The following RAB11FIP4 variants were observed in gnomAD, a reference collection of about 807,000 sequenced individuals.
RAB11FIP4 encodes rab11 family-interacting protein 4.
RAB11FIP4 carries 23 observed loss-of-function variants against 74.3 expected under a neutral mutation model. The observed-to-expected ratio is 0.31, with a 90% confidence interval of 0.22 to 0.44. The LOEUF (loss-of-function observed/expected upper bound fraction) is 0.44, where lower values mean the gene tolerates loss of function less well. Among genes scored for constraint, RAB11FIP4 ranks in the 20% least tolerant of loss-of-function variants. The pLI is 1.00. For synonymous variants in RAB11FIP4, 360 were observed against 359.9 expected, an observed-to-expected ratio of 1.00 and a Z score of 0.00; for missense variants, 630 against 863.9, an observed-to-expected ratio of 0.73 and a Z score of 3.39.
intron 3 of RAB11FIP4, among the ~76,000 whole-genome samples, chr17:31,467,609 C>T (rs2071698152): frequency 6.6e-6 from 1 of 152,094 alleles, no homozygotes; most frequent in Non-Finnish European, 1.5e-5. Flanking sequence ...TTTGTGAGCA[C>T]ATTCTGAAAC....
At chr17:31,400,042 C>CAA (rs563945627) in intron 1 of RAB11FIP4, among the ~76,000 whole-genome samples, 1,806 of 110,788 alleles carry the variant, frequency 0.016, 41 homozygotes, top group African/African-American at 0.054. Flanking sequence ...GATTCCATCT[C>CAA]AAAAAAAAAA....
chr17:31,391,775 G>T lies in RAB11FIP4; in HGVS notation c.-78G>T. The T allele has an allele frequency of 1.0e-6, 1 of 958,920 alleles. No individual in the cohort carries two copies. Among genetic ancestry groups the T allele is most frequent in the Non-Finnish European group, 1.2e-6 (1 of 808,218 alleles). 59.4% of individuals were successfully genotyped at this position (958,920 alleles called of 1,614,324 possible). A position where few individuals can be genotyped will look rare whatever the true frequency, so the allele number is the denominator to read the frequency against. ...AGACCCAGACGGGCGGCCCCGGAGG[G>T]CGCGCGGCGATGGCGGCGGCGGGCA... is the stretch of plus-strand genomic sequence containing the variant. On this transcript the variant is annotated 5_prime_UTR_variant, in exon 1 of 15. Coordinates refer to ENST00000621161, the MANE Select transcript of RAB11FIP4 (RefSeq NM_032932.6).
At chr17:31,464,749 C>CTTTT (rs58083480) in intron 3 of RAB11FIP4, among the ~76,000 whole-genome samples, 5,466 of 39,636 alleles carry the variant, frequency 0.14, 1,791 homozygotes, top group East Asian at 0.22. Flanking sequence ...CTGTGCCCGG[C>CTTTT]TTTTTTTTTT....
intron 3 of RAB11FIP4, among the ~76,000 whole-genome samples, chr17:31,449,006 G>C (rs1415272976): frequency 6.6e-6 from 1 of 152,132 alleles, no homozygotes; most frequent in African/African-American, 2.4e-5. Flanking sequence ...TTCCTGAGGA[G>C]ACAGGTCCCC....
At chr17:31,402,875 T>C (rs1048420097) in intron 1 of RAB11FIP4, among the ~76,000 whole-genome samples, 1 of 152,030 alleles carries the variant, frequency 6.6e-6, no homozygotes, top group East Asian at 1.9e-4. Flanking sequence ...TCCACCCGCC[T>C]TGGCCTCCCA....
At chr17:31,408,498 T>C (rs1823965473) in intron 1 of RAB11FIP4, among the ~76,000 whole-genome samples, 1 of 152,254 alleles carries the variant, frequency 6.6e-6, no homozygotes, top group Non-Finnish European at 1.5e-5. Context: ...TGCATGTCAC[T>C]AGCATATAGG....
intron 1 of RAB11FIP4, among the ~76,000 whole-genome samples, chr17:31,424,041 C>T (rs1053106620): frequency 6.6e-6 from 1 of 152,158 alleles, no homozygotes; most frequent in Admixed American, 6.5e-5. Context: ...GGAGGCCCCC[C>T]TTTCCCGGCT....
rs568095823 is a variant in RAB11FIP4, at chr17:31,462,452, A to G, written c.336+28330A>G. Reference sequence around the variant, plus strand: ...CTGGAGTATCCGCTTGGAAATTTGCAGGGAAGCATTTAAAGTCTTGGAACA... The same window carrying G: ...CTGGAGTATCCGCTTGGAAATTTGCGGGGAAGCATTTAAAGTCTTGGAACA... On this transcript the variant is annotated intron_variant, in intron 3 of 14. Transcript: ENST00000621161. Among the ~76,000 whole-genome samples the G allele has an allele frequency of 1.1e-3, 168 of 152,178 alleles. 1 individual carries two copies. The Middle Eastern group carries it at 0.031, about 28-fold the overall frequency.
At chr17:31,406,770 T>C (rs988428361) in intron 1 of RAB11FIP4, among the ~76,000 whole-genome samples, 2 of 152,212 alleles carry the variant, frequency 1.3e-5, no homozygotes, top group East Asian at 1.9e-4. Context: ...ATTTCAGCAC[T>C]GTTTGTCATG....
chr17:31,491,066 C>A (rs1464934818), intron 3 of RAB11FIP4, among the ~76,000 whole-genome samples: 3 of 152,254 alleles, frequency 2.0e-5, no homozygotes, highest in Non-Finnish European at 4.4e-5. Context: ...GGTCTCATGG[C>A]TGGATTATTG....
intron 1 of RAB11FIP4, among the ~76,000 whole-genome samples, chr17:31,401,379 C>A (rs1363443120): frequency 6.6e-6 from 1 of 152,238 alleles, no homozygotes. Flanking sequence ...CCTGTCACCC[C>A]TGAGGTCACT....
chr17:31,401,939 C>T (rs1176302941), intron 1 of RAB11FIP4, among the ~76,000 whole-genome samples: 1 of 152,180 alleles, frequency 6.6e-6, no homozygotes, highest in Non-Finnish European at 1.5e-5. Flanking sequence ...CATCTGCTCA[C>T]ACTTCCTCCA....
chr17:31,445,432 A>T (rs1227688405), intron 3 of RAB11FIP4, among the ~76,000 whole-genome samples: 1 of 149,734 alleles, frequency 6.7e-6, no homozygotes, highest in African/African-American at 2.5e-5. Flanking sequence ...TAAGAAGGAC[A>T]CTCTCCTATG....
chr17:31,527,699 G>C, intron 10 of RAB11FIP4, 143 bp from the exon 11 acceptor site: 2 of 609,476 alleles, frequency 3.3e-6, no homozygotes, highest in Non-Finnish European at 5.8e-6. Context: ...AATTGTCTTT[G>C]ACATAATAAT....
At chr17:31,525,271 C>T (rs9916390) in intron 10 of RAB11FIP4, 41 bp downstream of exon 10, 142,487 of 1,518,638 alleles carry the variant, frequency 0.094, 7,392 homozygotes, top group African/African-American at 0.19. Context: ...GAGGGACCCC[C>T]TGTCCTGGGG....
intron 3 of RAB11FIP4, among the ~76,000 whole-genome samples, chr17:31,505,523 AT>A (rs1403821056): frequency 4.9e-5 from 4 of 81,034 alleles, no homozygotes; most frequent in South Asian, 5.3e-4. Context: ...ATAATTATAT[AT>A]TATATATAAT....
At chr17:31,420,249 G>A (rs763568162) in intron 1 of RAB11FIP4, among the ~76,000 whole-genome samples, 10 of 151,198 alleles carry the variant, frequency 6.6e-5, no homozygotes, top group Non-Finnish European at 1.0e-4. Flanking sequence ...CTTTTTTTTC[G>A]AGACAAGGTC....
intron 3 of RAB11FIP4, among the ~76,000 whole-genome samples, chr17:31,442,136 C>T (rs1319074852): frequency 6.6e-6 from 1 of 151,450 alleles, no homozygotes; most frequent in Non-Finnish European, 1.5e-5. Context: ...GTAGCTGGGA[C>T]TACAGGTGCC....
intron 3 of RAB11FIP4, among the ~76,000 whole-genome samples, chr17:31,467,127 T>TC (rs2071693559): frequency 6.6e-6 from 1 of 150,580 alleles, no homozygotes; most frequent in Admixed American, 6.6e-5. Context: ...TCTTTTCTTT[T>TC]TTTGAGATGG....
Sources: gnomAD v4.1 joint callset for allele counts (sites outside exome capture counted in the v4.1 genomes callset) on GRCh38, gnomAD v4.1.1 for gene constraint, MANE v1.5 for transcripts, NCBI Gene and HGNC (gene_info 2026-07-23, HGNC 2026-07-21) for gene names.